The following PCDH9 variants were observed in gnomAD, a reference collection of about 807,000 sequenced individuals.
The protein encoded by PCDH9 is protocadherin 9, also known as protocadherin-9.
Under a neutral mutation model 70.6 loss-of-function variants are expected in PCDH9, and 24 were observed. The observed-to-expected ratio is 0.34, with a 90% confidence interval of 0.25 to 0.48. The LOEUF is 0.48. Among genes scored for constraint, PCDH9 ranks in the 20% least tolerant of loss-of-function variants. The probability of loss-of-function intolerance (pLI) is 0.99; values close to 1 mark genes in which losing one functional copy is unlikely to be tolerated. For synonymous variants in PCDH9, 562 were observed against 558.5 expected, an observed-to-expected ratio of 1.01 and a Z score of -0.09; for missense variants, 1,281 against 1,503.6, an observed-to-expected ratio of 0.85 and a Z score of 2.45.
At chr13:66,353,875 C>T (rs531225982) in intron 4 of PCDH9, among the ~76,000 whole-genome samples, 1 of 152,222 alleles carries the variant, frequency 6.6e-6, no homozygotes, top group South Asian at 2.1e-4. Context: ...GTAAATATCG[C>T]ATGCTTGGAA....
chr13:66,888,312 T>C (rs1484960020), intron 3 of PCDH9, among the ~76,000 whole-genome samples: 3 of 151,784 alleles, frequency 2.0e-5, no homozygotes, highest in Admixed American at 6.6e-5. Context: ...CTGGGAAACA[T>C]AGTGAGGCTT....
At chr13:66,495,129 C>T (rs1959093333) in intron 4 of PCDH9, among the ~76,000 whole-genome samples, 1 of 152,028 alleles carries the variant, frequency 6.6e-6, no homozygotes, top group African/African-American at 2.4e-5. Context: ...TATTAAACAA[C>T]TCTCTCTATG....
intron 4 of PCDH9, among the ~76,000 whole-genome samples, chr13:66,428,731 T>G (rs1324093432): frequency 2.0e-5 from 3 of 151,772 alleles, no homozygotes; most frequent in African/African-American, 7.2e-5. Context: ...TTTGGATCAT[T>G]TGCAGATATT....
At chr13:66,694,730 T>A (rs908887207) in intron 3 of PCDH9, among the ~76,000 whole-genome samples, 1 of 151,950 alleles carries the variant, frequency 6.6e-6, no homozygotes, top group South Asian at 2.1e-4. Context: ...TATATACATA[T>A]GTGTATGTGA....
chr13:66,821,176 G>A (rs899323735), intron 3 of PCDH9, among the ~76,000 whole-genome samples: 2 of 152,002 alleles, frequency 1.3e-5, no homozygotes, highest in Non-Finnish European at 2.9e-5. Flanking sequence ...AGTTAAAGGT[G>A]GAAATGTTGA....
At chr13:66,562,211 T>A (rs1165429654) in intron 4 of PCDH9, among the ~76,000 whole-genome samples, 1 of 151,702 alleles carries the variant, frequency 6.6e-6, no homozygotes, top group Non-Finnish European at 1.5e-5. Flanking sequence ...AAAAAAAAAA[T>A]CAAACTTGTG....
intron 3 of PCDH9, among the ~76,000 whole-genome samples, chr13:66,635,201 A>C (rs1031149013): frequency 2.0e-5 from 3 of 152,108 alleles, no homozygotes; most frequent in Admixed American, 6.6e-5. Flanking sequence ...TGTTTTCCTA[A>C]ATCTATTTCT....
At chr13:66,434,465 C>T (rs993949149) in intron 4 of PCDH9, among the ~76,000 whole-genome samples, 8 of 151,918 alleles carry the variant, frequency 5.3e-5, no homozygotes, top group African/African-American at 1.9e-4. Flanking sequence ...TTATATTCTG[C>T]CTCTAAAATA....
chr13:66,565,236 C>T (rs953402136), intron 4 of PCDH9, among the ~76,000 whole-genome samples: 6 of 152,138 alleles, frequency 3.9e-5, no homozygotes, highest in Non-Finnish European at 8.8e-5. Flanking sequence ...GACTTTGAAA[C>T]TCCAAGAATG....
At chr13:67,139,178 A>G (rs2087309792) in intron 2 of PCDH9, among the ~76,000 whole-genome samples, 1 of 152,220 alleles carries the variant, frequency 6.6e-6, no homozygotes, top group African/African-American at 2.4e-5. Context: ...TAATAACATA[A>G]CCATCTGAAA....
chr13:67,085,169 A>G (rs564421357), intron 2 of PCDH9, among the ~76,000 whole-genome samples: 63 of 151,390 alleles, frequency 4.2e-4, no homozygotes, highest in Non-Finnish European at 7.2e-4. Context: ...AATTTATTCT[A>G]TGAATGAATC....
At chr13:66,710,397 A>G (rs75507571) in intron 3 of PCDH9, among the ~76,000 whole-genome samples, 2,964 of 152,232 alleles carry the variant, frequency 0.019, 100 homozygotes, top group African/African-American at 0.068. Flanking sequence ...AAGTATACAA[A>G]ATGACAGGAC....
chr13:66,939,595 C>A (rs756856123), intron 2 of PCDH9, among the ~76,000 whole-genome samples: 98 of 152,054 alleles, frequency 6.4e-4, no homozygotes, highest in Non-Finnish European at 9.3e-4. Flanking sequence ...TTCCACCATA[C>A]ACTGCCAAGT....
intron 2 of PCDH9, among the ~76,000 whole-genome samples, chr13:66,955,322 A>G (rs2083250302): frequency 6.6e-6 from 1 of 152,214 alleles, no homozygotes; most frequent in Non-Finnish European, 1.5e-5. Flanking sequence ...CATTAAAATT[A>G]TGAGAGCATA....
chr13:66,652,697 G>A (rs1039766734), intron 3 of PCDH9, among the ~76,000 whole-genome samples: 2 of 151,954 alleles, frequency 1.3e-5, no homozygotes, highest in South Asian at 4.1e-4. Context: ...TAAGAAAACT[G>A]GAGGAATCAC....
At chr13:66,894,982 A>G (rs887293483) in intron 3 of PCDH9, among the ~76,000 whole-genome samples, 1 of 151,930 alleles carries the variant, frequency 6.6e-6, no homozygotes, top group African/African-American at 2.4e-5. Flanking sequence ...GAATTTTTCT[A>G]TTTTTAGTAG....
intron 2 of PCDH9, chr13:67,225,011 G>A (rs1426251586): frequency 9.7e-7 from 1 of 1,035,224 alleles, no homozygotes; most frequent in African/African-American, 1.7e-5. Flanking sequence ...GAAAACTTGA[G>A]ATTTGAAGGT....
rs2079070631 is a variant in PCDH9 at position 66,730,897 on chromosome 13, T to TTTTTTTTGTTTTG, written c.3139-99487_3139-99486insCAAAACAAAAAAA. Among the ~76,000 whole-genome samples the TTTTTTTTGTTTTG allele has an allele frequency of 1.5e-5, 2 of 129,100 alleles. 1 individual carries two copies. The allele number at this position is 129,100 out of a possible 152,430, so 84.7% of individuals were successfully genotyped here. A position where few individuals can be genotyped will look rare whatever the true frequency, so the allele number is the denominator to read the frequency against. ...GTGTGTTTTTTTTTTGTTTGTTTCT[T>TTTTTTTTGTTTTG]TTTTTTTGTGGAGACAGAGGTCTCA... On this transcript the variant is annotated intron_variant, in intron 3 of 4. Transcript: ENST00000377865.
At chr13:66,855,467 G>T (rs2081380241) in intron 3 of PCDH9, among the ~76,000 whole-genome samples, 2 of 152,016 alleles carry the variant, frequency 1.3e-5, no homozygotes, top group African/African-American at 4.8e-5. Flanking sequence ...TGTTATTAAA[G>T]AGTACAATTA....
Sources: allele counts gnomAD v4.1 joint callset (sites outside exome capture counted in the v4.1 genomes callset), GRCh38; gene constraint gnomAD v4.1.1; transcripts MANE v1.5; gene names NCBI Gene and HGNC (gene_info 2026-07-23, HGNC 2026-07-21).